Variants in TPRX1 observed in about 807,000 individuals in gnomAD.
TPRX1 encodes tetrapeptide repeat homeobox 1.
In TPRX1, 2 loss-of-function variants were observed where a neutral mutation model predicts 8.1. The observed-to-expected ratio is 0.25, with a 90% CI of 0.10 to 0.78. The LOEUF (loss-of-function observed/expected upper bound fraction) is 0.78, where lower values mean the gene tolerates loss of function less well. TPRX1 is among the 30% of genes least tolerant of loss of function. The pLI, the probability that TPRX1 is intolerant of heterozygous loss-of-function variation, is 0.70. For synonymous variants in TPRX1, 257 were observed against 254.1 expected, an observed-to-expected ratio of 1.01 and a Z score of -0.11; for missense variants, 517 against 586.9, an observed-to-expected ratio of 0.88 and a Z score of 1.23.
At chr19:47,814,944 C>G (rs1042796857) in intron 2 of TPRX1, among the ~76,000 whole-genome samples, 1 of 150,550 alleles carries the variant, frequency 6.6e-6, no homozygotes, top group African/African-American at 2.4e-5. Flanking sequence ...GGATTACAGG[C>G]ATGTGCCACC....
chr19:47,813,782 C>T lies in TPRX1; in HGVS notation c.151+4686G>A, dbSNP rs964297576. Among the ~76,000 whole-genome samples the T allele has an allele frequency of 2.6e-5, 4 of 152,148 alleles. No individual in the cohort carries two copies. The East Asian group carries it at 5.8e-4, about 22-fold the overall frequency. ...CCCCCAAATCGGATCTAATTCTGCTCTGCTGAGGCTGGCCTGGCCTGGCCT... is the reference window on the plus strand; with the variant it reads ...CCCCCAAATCGGATCTAATTCTGCTTTGCTGAGGCTGGCCTGGCCTGGCCT... On this transcript the variant is annotated intron_variant, in intron 2 of 3. Transcript: ENST00000535759.
intron 2 of TPRX1, among the ~76,000 whole-genome samples, chr19:47,805,516 G>T (rs1967727941): frequency 6.6e-6 from 1 of 152,160 alleles, no homozygotes; most frequent in African/African-American, 2.4e-5. Context: ...GACCCACGTG[G>T]GTTCAGGGAT....
intron 2 of TPRX1, among the ~76,000 whole-genome samples, chr19:47,815,164 T>TATATATGCAAATATATATATATATATATA (rs1228376903): frequency 0.02 from 975 of 49,590 alleles, 18 homozygotes; most frequent in Non-Finnish European, 0.026. Context: ...ATATATATAT[T>TATATATGCAAATATATATATATATATATA]TTTTTTTTTT....
intron 2 of TPRX1, among the ~76,000 whole-genome samples, chr19:47,816,122 T>C (rs1461163317): frequency 6.7e-6 from 1 of 150,258 alleles, no homozygotes; most frequent in African/African-American, 2.5e-5. Context: ...TGGCATGCAG[T>C]GGTGTGGTGA....
chr19:47,811,362 C>T (rs1030767210), intron 2 of TPRX1, among the ~76,000 whole-genome samples: 2 of 151,632 alleles, frequency 1.3e-5, no homozygotes, highest in East Asian at 1.9e-4. Context: ...GTCTTTAAAC[C>T]GAAACACGCA....
At chr19:47,816,569 G>A (rs1171029725) in intron 2 of TPRX1, among the ~76,000 whole-genome samples, 2 of 129,858 alleles carry the variant, frequency 1.5e-5, no homozygotes, top group African/African-American at 5.9e-5. Flanking sequence ...GTCTCACGCC[G>A]TCGCCCAGGC....
chr19:47,806,526 C>G (rs1251798165), intron 2 of TPRX1, among the ~76,000 whole-genome samples: 1 of 151,674 alleles, frequency 6.6e-6, no homozygotes, highest in Non-Finnish European at 1.5e-5. Flanking sequence ...CCTCAAAAAA[C>G]AAAACAACAT....
chr19:47,813,165 C>G (rs1043000945), intron 2 of TPRX1, among the ~76,000 whole-genome samples: 3 of 130,902 alleles, frequency 2.3e-5, no homozygotes, highest in African/African-American at 5.8e-5. Context: ...CAACCCCCCC[C>G]ACCCCGCCAA....
At chr19:47,818,161 G>A (rs992872696) in intron 2 of TPRX1, among the ~76,000 whole-genome samples, 1 of 151,996 alleles carries the variant, frequency 6.6e-6, no homozygotes, top group Admixed American at 6.6e-5. Context: ...CTCTGTGCCA[G>A]TGTCTCTACC....
chr19:47,801,348 AT>A (rs1275194029), exon 4 of TPRX1: 1 of 162,618 alleles, frequency 6.1e-6, no homozygotes, highest in Non-Finnish European at 1.3e-5. Flanking sequence ...CTAAGGTTCA[AT>A]TAACATGTGA....
exon 4 of TPRX1, chr19:47,801,772 C>T (rs766395051): frequency 2.5e-6 from 4 of 1,607,286 alleles, no homozygotes; most frequent in East Asian, 2.2e-5. Flanking sequence ...AGGCACAGGC[C>T]CCCTATAAAT....
At chr19:47,817,831 G>A (rs1485565640) in intron 2 of TPRX1, among the ~76,000 whole-genome samples, 1 of 152,224 alleles carries the variant, frequency 6.6e-6, no homozygotes, top group Non-Finnish European at 1.5e-5. Context: ...GTGGCTCCAT[G>A]CCAGCTCTTG....
At chr19:47,812,604 G>T (rs1599955521) in intron 2 of TPRX1, among the ~76,000 whole-genome samples, 1 of 151,882 alleles carries the variant, frequency 6.6e-6, no homozygotes, top group Non-Finnish European at 1.5e-5. Context: ...GCATGGTGGT[G>T]TGTGCCTGTA....
In TPRX1 at chr19:47,814,421, A is replaced by G. The variant is rs536404519; in HGVS notation, c.151+4047T>C. ...CGCCTGTAATCCCAGCACTTTGGGA[A>G]GCTAAAGCAGGAGGATCATTTGAGC... is the stretch of plus-strand genomic sequence containing the variant. On this transcript the variant is annotated intron_variant, in intron 2 of 3. Coordinates refer to ENST00000535759, the Ensembl canonical transcript of TPRX1. Among the ~76,000 whole-genome samples, 260 of 152,288 alleles carry G rather than the reference A, an allele frequency of 1.7e-3. 1 individual carries two copies. Among genetic ancestry groups the G allele is most frequent in the Non-Finnish European group, 2.0e-3 (135 of 68,014 alleles).
At chr19:47,802,914 C>G (rs1234099352) in exon 4 of TPRX1, 2 of 1,556,356 alleles carry the variant, frequency 1.3e-6, no homozygotes, top group Non-Finnish European at 1.7e-6. Flanking sequence ...TGCCCAGGGA[C>G]GCGCTGGGGC....
intron 2 of TPRX1, among the ~76,000 whole-genome samples, chr19:47,808,362 G>A (rs1056680296): frequency 2.0e-5 from 3 of 151,210 alleles, no homozygotes; most frequent in Non-Finnish European, 1.5e-5. Flanking sequence ...TGATCCACCC[G>A]CCTCAGCCTC....
chr19:47,801,651 A>C, exon 4 of TPRX1: 1 of 1,177,310 alleles, frequency 8.5e-7, no homozygotes, highest in Non-Finnish European at 1.2e-6. Flanking sequence ...CAGTGAAGAC[A>C]GCAAATGTCC....
In TPRX1 at chr19:47,805,661, G is replaced by A. The variant is rs117992494; in HGVS notation, c.152-1988C>T. 1.0e-2 allele frequency among the ~76,000 whole-genome samples: 1,517 copies of A among 152,296 alleles called. 37 individuals carry two copies. Among genetic ancestry groups the A allele is most frequent in the Middle Eastern group, 0.061 (18 of 294 alleles). ...TTCACCTGCTACTTAGAGTTCTGCT[G>A]TAGAAAGCAGCATCCCCAGCAATGA... On this transcript the variant is annotated intron_variant, in intron 2 of 3. Coordinates refer to ENST00000535759, the Ensembl canonical transcript of TPRX1.
rs1195825279 is a variant in TPRX1, at chr19:47,815,156, A to T, written c.151+3312T>A. On this transcript the variant is annotated intron_variant, in intron 2 of 3. Coordinates refer to ENST00000535759, the Ensembl canonical transcript of TPRX1. ...TATATATATATATGCAAATATATATATATATATTTTTTTTTTTTGAGACAG... is the reference window on the plus strand; with the variant it reads ...TATATATATATATGCAAATATATATTTATATATTTTTTTTTTTTGAGACAG... Among the ~76,000 whole-genome samples the T allele has an allele frequency of 6.1e-3, 548 of 89,560 alleles. 12 individuals carry two copies. The highest frequency in any genetic ancestry group is 0.025 in the African/African-American group (525 of 21,210). The allele number at this position is 89,560 out of a possible 152,430, so 58.8% of individuals were successfully genotyped here.
Sources: gnomAD v4.1 joint callset for allele counts (sites outside exome capture counted in the v4.1 genomes callset) on GRCh38, gnomAD v4.1.1 for gene constraint, MANE v1.5 for transcripts, NCBI Gene and HGNC (gene_info 2026-07-23, HGNC 2026-07-21) for gene names.